DSCAML1: variants seen among roughly 807,000 people sequenced by gnomAD.
The protein encoded by DSCAML1 is cell adhesion molecule DSCAML1.
In DSCAML1, 38 loss-of-function variants were observed where a neutral mutation model predicts 200.5. The observed-to-expected ratio is 0.19, with a 90% CI of 0.15 to 0.25. The LOEUF is 0.25. Ranked by LOEUF, DSCAML1 falls within the 10% of genes least tolerant of loss-of-function variation. DSCAML1 has a pLI of 1.00. For missense variants in DSCAML1, 2,223 were observed against 2,858.8 expected (o/e 0.78, Z 5.07); for synonymous variants, 1,215 against 1,165.0 (o/e 1.04, Z -0.87).
intron 4 of DSCAML1, among the ~76,000 whole-genome samples, chr11:117,528,026 G>T (rs1451120995): frequency 1.3e-5 from 2 of 152,152 alleles, no homozygotes; most frequent in Non-Finnish European, 2.9e-5. Context: ...ATTGCCTCCA[G>T]ACTTCACAAG....
At chr11:117,758,799 C>G (rs2054745400) in intron 3 of DSCAML1, among the ~76,000 whole-genome samples, 1 of 152,132 alleles carries the variant, frequency 6.6e-6, no homozygotes, top group Non-Finnish European at 1.5e-5. Context: ...CAAATGCTTT[C>G]CAGAAAAGGT....
Position 117,437,502 on chromosome 11 carries a change from C to G in DSCAML1, c.4433-93G>C, listed in dbSNP as rs1384410413. On this transcript the variant is annotated intron_variant, in intron 25 of 32. Transcript: ENST00000651296. This position sits in a 1 kb window ranked among gnomAD's most constrained non-coding sequence, Gnocchi z 5.3. ...GCTGGAAAGGATTTCCCTGGGGCAG[C>G]TGGGATGGCAGTGGCTCCAGGAGAA... 5.5e-6 allele frequency: 8 copies of G among 1,452,976 alleles called. No homozygotes were observed. The highest frequency in any genetic ancestry group is 7.5e-6 in the Non-Finnish European group (8 of 1,067,836). 90.0% of individuals were successfully genotyped at this position (1,452,976 alleles called of 1,614,324 possible). A position where few individuals can be genotyped will look rare whatever the true frequency, so the allele number is the denominator to read the frequency against.
In DSCAML1 at chr11:117,437,925, C is replaced by T. The variant is rs752493281; in HGVS notation, c.4402G>A (p.Glu1468Lys). 62 of 1,612,448 alleles carry T rather than the reference C, an allele frequency of 3.8e-5. No individual in the cohort carries two copies. Among genetic ancestry groups the T allele is most frequent in the South Asian group, 1.2e-4 (11 of 90,976 alleles). ...CCGTGGGTCTTGGCCTCGATGATCTCGCTGATGCGCCCAGAGCCCACGCTG... is the reference window on the plus strand; with the variant it reads ...CCGTGGGTCTTGGCCTCGATGATCTTGCTGATGCGCCCAGAGCCCACGCTG... ...KNSVGSGRIS[E>K]IIEAKTHGRE... Residue 1468 changes from glutamate (E) to lysine (K), a missense_variant, in exon 25 of 33, where the codon GAG (glutamate) becomes AAG (lysine). Around this residue, in one of 7 missense-constraint regions of DSCAML1, gnomAD observed 614 missense variants for 739.1 expected, o/e 0.83. Transcript: ENST00000651296. This position sits in a 1 kb window ranked among gnomAD's most constrained non-coding sequence, Gnocchi z 5.3.
At chr11:117,668,934 G>C (rs887893291) in intron 3 of DSCAML1, 1 of 152,324 alleles carries the variant, frequency 6.6e-6, no homozygotes, top group African/African-American at 2.4e-5. Flanking sequence ...GCTTGGAGTC[G>C]GTCTGGGGGG....
chr11:117,744,548 A>C (rs2054481686), intron 3 of DSCAML1, among the ~76,000 whole-genome samples: 1 of 152,192 alleles, frequency 6.6e-6, no homozygotes, highest in Non-Finnish European at 1.5e-5. Flanking sequence ...AAGGGACTTT[A>C]GCGGTCCCTA....
chr11:117,588,835 C>T (rs1425983724), intron 3 of DSCAML1, among the ~76,000 whole-genome samples: 1 of 152,216 alleles, frequency 6.6e-6, no homozygotes, highest in Non-Finnish European at 1.5e-5. Flanking sequence ...TAAGCCACCC[C>T]TCCCTGCCTT....
chr11:117,481,145 G>A (rs773172664), intron 13 of DSCAML1, 29 bp downstream of exon 13: 2 of 1,606,518 alleles, frequency 1.2e-6, no homozygotes, highest in African/African-American at 1.3e-5. Context: ...GGGGAGGTGG[G>A]ATGGGAAGGG....
chr11:117,479,671 CAG>C (rs1461809518), intron 14 of DSCAML1, among the ~76,000 whole-genome samples: 4 of 151,938 alleles, frequency 2.6e-5, no homozygotes, highest in African/African-American at 9.7e-5. Context: ...TTTTTTGAGA[CAG>C]AGTCTCACTC....
intron 3 of DSCAML1, among the ~76,000 whole-genome samples, chr11:117,570,866 T>C (rs1046504605): frequency 3.3e-5 from 5 of 152,214 alleles, no homozygotes; most frequent in Non-Finnish European, 7.3e-5. Context: ...TGGAACCTGG[T>C]GCTGAGGCTG....
chr11:117,463,443 C>T lies in DSCAML1; in HGVS notation c.3265+1499G>A, dbSNP rs573655732. On this transcript the variant is annotated intron_variant, in intron 17 of 32. Transcript: ENST00000651296. This position sits in a 1 kb window ranked among gnomAD's most constrained non-coding sequence, Gnocchi z 4.0. ...CCGGATTAGAAATGAACATTCTTGG[C>T]CCCCACCTCAGACCTGCTTGAAGCA... Among the ~76,000 whole-genome samples the T allele has an allele frequency of 4.6e-5, 7 of 151,210 alleles. No homozygotes were observed. In the East Asian group the frequency reaches 7.7e-4, roughly 17 times the overall value.
At chr11:117,436,870 C>T (rs7931370) in intron 26 of DSCAML1, among the ~76,000 whole-genome samples, 1 of 152,164 alleles carries the variant, frequency 6.6e-6, no homozygotes, top group Admixed American at 6.5e-5. Flanking sequence ...AAAGACTCTC[C>T]ATCTTTGGTA....
rs369351635 is a variant in DSCAML1 at position 117,435,734 on chromosome 11, C to T, written c.4786G>A (p.Gly1596Ser). 3.5e-5 allele frequency: 57 copies of T among 1,613,328 alleles called. No homozygotes were observed. Among genetic ancestry groups the T allele is most frequent in the African/African-American group, 1.3e-4 (10 of 75,040 alleles). The change falls in exon 27 of 33, where the codon GGC becomes AGC. Residue 1596 changes from glycine (G) to serine (S), a missense_variant. Physicochemically the swap from Gly to Ser is moderately conservative, Grantham distance 56. Transcript: ENST00000651296. ...AGTGTGGCCAGGATGACAGGGCAGC[C>T]GATGGTGAACAGCTTCTTCACATCA... ...GDDVKKLFTIGCPVILATLGV... is the reference protein window; with the variant it reads ...GDDVKKLFTISCPVILATLGV...
chr11:117,453,070 G>T (rs890935519), intron 19 of DSCAML1, among the ~76,000 whole-genome samples: 2 of 151,890 alleles, frequency 1.3e-5, no homozygotes, highest in African/African-American at 4.8e-5. Flanking sequence ...AAGTAACTGG[G>T]ACTATGGGCG....
intron 3 of DSCAML1, among the ~76,000 whole-genome samples, chr11:117,601,473 T>A (rs2051465561): frequency 6.6e-6 from 1 of 152,158 alleles, no homozygotes; most frequent in Admixed American, 6.5e-5. Flanking sequence ...ATAGGTGGTG[T>A]TAATTGTGGA....
At chr11:117,812,111 T>G (rs2055766286) in intron 1 of DSCAML1, among the ~76,000 whole-genome samples, 2 of 152,164 alleles carry the variant, frequency 1.3e-5, no homozygotes, top group South Asian at 4.1e-4. Flanking sequence ...GCTGCCCTTC[T>G]TCCCAATCCA....
intron 3 of DSCAML1, among the ~76,000 whole-genome samples, chr11:117,545,063 C>T (rs1390540364): frequency 6.6e-6 from 1 of 152,014 alleles, no homozygotes; most frequent in African/African-American, 2.4e-5. Flanking sequence ...AACCCGGTCT[C>T]TACTAAAAAT....
chr11:117,649,034 C>CAT (rs150907068), intron 3 of DSCAML1, among the ~76,000 whole-genome samples: 48,770 of 122,658 alleles, frequency 0.4, 9,652 homozygotes, highest in East Asian at 0.53. Flanking sequence ...TCTCTCTCTC[C>CAT]ATATATATGT....
At chr11:117,796,483 C>T (rs2134079276) in intron 1 of DSCAML1, among the ~76,000 whole-genome samples, 1 of 152,384 alleles carries the variant, frequency 6.6e-6, no homozygotes, top group East Asian at 1.9e-4. Context: ...TCGGGACTCT[C>T]ACTATCCCCA....
intron 3 of DSCAML1, among the ~76,000 whole-genome samples, chr11:117,744,365 A>G (rs578249142): frequency 2.0e-5 from 3 of 152,352 alleles, no homozygotes; most frequent in African/African-American, 7.2e-5. Context: ...CACTTGTTAA[A>G]TGCAGATTCC....
Sources: gnomAD v4.1 joint callset for allele counts (sites outside exome capture counted in the v4.1 genomes callset) on GRCh38, gnomAD v4.1.1 for gene constraint, gnomAD v4.1.1 regional missense constraint, Gnocchi (gnomAD v3.1) non-coding constraint, MANE v1.5 for transcripts, NCBI Gene and HGNC (gene_info 2026-07-23, HGNC 2026-07-21) for gene names.